TXNDC16: variants seen among roughly 807,000 people sequenced by gnomAD.
TXNDC16 encodes thioredoxin domain-containing protein 16.
In TXNDC16, 74 loss-of-function variants were observed where a neutral mutation model predicts 85.6. That is an observed-to-expected ratio of 0.86 (90% confidence interval 0.72 to 1.05). The LOEUF is 1.05. TXNDC16 is among the 50% of genes least tolerant of loss of function. TXNDC16 has a pLI of 0.00. For missense variants in TXNDC16, 959 were observed against 947.0 expected (o/e 1.01, Z -0.17); for synonymous variants, 335 against 326.5 (o/e 1.03, Z -0.28).
rs372529169 is a variant in TXNDC16, at chr14:52,507,167, A to C, written c.756+4073T>G. ...CATGATTGTATATCTAGAAAACCCC[A>C]TTGTCTCAGCCCAAAATCTCCTTAA... is the stretch of plus-strand genomic sequence containing the variant. On this transcript the variant is annotated intron_variant, in intron 9 of 20. Coordinates refer to ENST00000281741, the MANE Select transcript of TXNDC16 (RefSeq NM_020784.3). Among the ~76,000 whole-genome samples the C allele has an allele frequency of 9.5e-3, 1,442 of 152,180 alleles. 19 individuals are homozygous for C. Among genetic ancestry groups the C allele is most frequent in the African/African-American group, 0.031 (1,300 of 41,498 alleles).
At chr14:52,475,166 G>A (rs1448367718) in intron 14 of TXNDC16, among the ~76,000 whole-genome samples, 1 of 152,186 alleles carries the variant, frequency 6.6e-6, no homozygotes, top group Non-Finnish European at 1.5e-5. Context: ...GAAAATCCCT[G>A]TGGACTAGCT....
chr14:52,438,128 G>A (rs1160299197), intron 20 of TXNDC16, among the ~76,000 whole-genome samples: 1 of 152,166 alleles, frequency 6.6e-6, no homozygotes, highest in Non-Finnish European at 1.5e-5. Flanking sequence ...TTCTTGAGTT[G>A]GAAACTACTG....
At chr14:52,517,078 C>G (rs1322658473) in intron 7 of TXNDC16, among the ~76,000 whole-genome samples, 1 of 152,090 alleles carries the variant, frequency 6.6e-6, no homozygotes, top group South Asian at 2.1e-4. Flanking sequence ...CCTCCTCCCC[C>G]ACACAAACAC....
chr14:52,551,503 AGGAT>A (rs2038047690), intron 1 of TXNDC16, among the ~76,000 whole-genome samples: 1 of 151,908 alleles, frequency 6.6e-6, no homozygotes, highest in South Asian at 2.1e-4. Context: ...CATAGGACAA[AGGAT>A]GGTGAGGTAA....
chr14:52,487,812 A>C (rs988336459), intron 12 of TXNDC16, among the ~76,000 whole-genome samples: 2 of 152,126 alleles, frequency 1.3e-5, no homozygotes, highest in African/African-American at 4.8e-5. Flanking sequence ...GAGAATAATA[A>C]TCAAAGTAAA....
chr14:52,551,299 C>A (rs2038038762), intron 1 of TXNDC16, among the ~76,000 whole-genome samples: 1 of 147,046 alleles, frequency 6.8e-6, no homozygotes. Flanking sequence ...TATAGTGAAA[C>A]CTCGTCTCTA....
chr14:52,516,185 C>T (rs2037078652), intron 7 of TXNDC16, among the ~76,000 whole-genome samples: 1 of 152,164 alleles, frequency 6.6e-6, no homozygotes, highest in African/African-American at 2.4e-5. Flanking sequence ...TACTCCCTCT[C>T]TTGTGTTGGG....
chr14:52,434,348 C>T (rs2034978513), intron 20 of TXNDC16, among the ~76,000 whole-genome samples: 2 of 152,152 alleles, frequency 1.3e-5, no homozygotes, highest in Admixed American at 6.5e-5. Context: ...GGGAACTCTA[C>T]AAAGATCTTA....
intron 1 of TXNDC16, among the ~76,000 whole-genome samples, chr14:52,546,748 C>T (rs1231428016): frequency 6.6e-6 from 1 of 152,206 alleles, no homozygotes; most frequent in Non-Finnish European, 1.5e-5. Context: ...GCAGCATAAA[C>T]TATTTTCTCT....
At chr14:52,532,890 A>G (rs921610329) in intron 6 of TXNDC16, among the ~76,000 whole-genome samples, 6 of 152,194 alleles carry the variant, frequency 3.9e-5, no homozygotes, top group African/African-American at 1.4e-4. Flanking sequence ...AGGTACAGCT[A>G]AGGGACAGCA....
intron 17 of TXNDC16, among the ~76,000 whole-genome samples, chr14:52,456,392 T>C (rs2035535696): frequency 6.6e-6 from 1 of 152,166 alleles, no homozygotes; most frequent in Non-Finnish European, 1.5e-5. Flanking sequence ...ATATACTTTA[T>C]GAAAATCAGT....
intron 3 of TXNDC16, 35 bp from the exon 4 acceptor site, chr14:52,542,488 T>A (rs773945900): frequency 2.7e-6 from 4 of 1,476,756 alleles, no homozygotes; most frequent in African/African-American, 1.4e-5. Context: ...TGTTTATGAA[T>A]TGCCCCTTAA....
intron 1 of TXNDC16, among the ~76,000 whole-genome samples, chr14:52,547,879 T>C (rs1411770581): frequency 6.6e-6 from 1 of 152,216 alleles, no homozygotes; most frequent in African/African-American, 2.4e-5. Flanking sequence ...AGGAAAGCAT[T>C]TGTTGACGAG....
chr14:52,529,313 G>T (rs1023841809), intron 6 of TXNDC16, among the ~76,000 whole-genome samples: 2 of 149,524 alleles, frequency 1.3e-5, no homozygotes, highest in Admixed American at 6.7e-5. Flanking sequence ...AACACACTGG[G>T]GCCTGTTGTG....
rs1566523931 is a variant in TXNDC16, at chr14:52,432,409, CGGTT to C, written c.2369_2372del (p.Glu790GlyfsTer5). On this transcript the variant is annotated frameshift_variant, in exon 21 of 21. Coordinates refer to ENST00000281741, the MANE Select transcript of TXNDC16 (RefSeq NM_020784.3). LOFTEE classifies it low-confidence loss of function (END_TRUNC). ...AATGCTTTATTCTCAGAGTTTCAAT[CGGTT>C]CTTTTCTGACTGCCGATTTATCTTC... 4 of 1,613,940 alleles carry C rather than the reference CGGTT, an allele frequency of 2.5e-6. No individual in the cohort carries two copies. The highest frequency in any genetic ancestry group is 3.4e-6 in the Non-Finnish European group (4 of 1,179,942).
At chr14:52,537,070 T>TCACACACACACACACACA (rs58583503) in intron 5 of TXNDC16, among the ~76,000 whole-genome samples, 34 of 147,242 alleles carry the variant, frequency 2.3e-4, no homozygotes, top group African/African-American at 8.5e-4. Flanking sequence ...CAACTCACAA[T>TCACACACACACACACACA]CACACACACA....
intron 16 of TXNDC16, among the ~76,000 whole-genome samples, chr14:52,467,116 C>T (rs2035794768): frequency 6.6e-6 from 1 of 151,750 alleles, no homozygotes; most frequent in African/African-American, 2.4e-5. Flanking sequence ...ATTAAACAGA[C>T]ATATATCACA....
chr14:52,444,647 A>G (rs1003940756), intron 18 of TXNDC16, among the ~76,000 whole-genome samples: 12 of 152,116 alleles, frequency 7.9e-5, no homozygotes, highest in African/African-American at 2.4e-4. Context: ...AGTTTCTCCT[A>G]CGTTTCTAAG....
chr14:52,544,912 T>G (rs2037910328), intron 1 of TXNDC16, among the ~76,000 whole-genome samples: 2 of 152,122 alleles, frequency 1.3e-5, no homozygotes. Flanking sequence ...TCATTGACAT[T>G]AAAATTGATT....
Sources: gnomAD v4.1 joint callset for allele counts (sites outside exome capture counted in the v4.1 genomes callset) on GRCh38, gnomAD v4.1.1 for gene constraint, MANE v1.5 for transcripts, NCBI Gene and HGNC (gene_info 2026-07-23, HGNC 2026-07-21) for gene names.